Variants in RPH3AL observed in about 807,000 individuals in gnomAD.
The protein encoded by RPH3AL is rabphilin 3A like (without C2 domains).
A neutral mutation model predicts 43.1 loss-of-function variants in RPH3AL; 38 were observed. The ratio of observed to expected loss-of-function variants is 0.88; its 90% CI spans 0.68 to 1.15. The LOEUF is 1.15. Ranked by LOEUF, RPH3AL falls within the 50% of genes most tolerant of loss-of-function variation. The probability of loss-of-function intolerance (pLI) is 0.00; values close to 1 mark genes in which losing one functional copy is unlikely to be tolerated. For missense variants in RPH3AL, 462 were observed against 423.2 expected (o/e 1.09, Z -0.81); for synonymous variants, 189 against 176.3 (o/e 1.07, Z -0.57).
chr17:333,302 A>G lies in RPH3AL; in HGVS notation c.-37+457T>C. 3 of 1,286,486 alleles carry G rather than the reference A, an allele frequency of 2.3e-6. No individual in the cohort carries two copies. The highest frequency in any genetic ancestry group is 3.0e-6 in the Non-Finnish European group (3 of 987,674). The allele number at this position is 1,286,486 out of a possible 1,614,324, so 79.7% of individuals were successfully genotyped here. A position where few individuals can be genotyped will look rare whatever the true frequency, so the allele number is the denominator to read the frequency against. On this transcript the variant is annotated intron_variant, in intron 2 of 9. Transcript: ENST00000331302. The surrounding 1 kb of genome is among the most constrained non-coding windows in gnomAD (Gnocchi z 4.5). ...TCACGTGGTCACTCCTGGGGGCGGTAGGATATTTTATCCTAAAGAGAAAAC... is the reference window on the plus strand; with the variant it reads ...TCACGTGGTCACTCCTGGGGGCGGTGGGATATTTTATCCTAAAGAGAAAAC...
intron 5 of RPH3AL, among the ~76,000 whole-genome samples, chr17:295,354 ACGG>A (rs2043150961): frequency 6.9e-6 from 1 of 144,912 alleles, no homozygotes; most frequent in African/African-American, 2.6e-5. Flanking sequence ...GCAGAAATGG[ACGG>A]GCAGAGGGAA....
intron 5 of RPH3AL, among the ~76,000 whole-genome samples, chr17:304,386 T>C (rs566187954): frequency 5.9e-5 from 9 of 152,094 alleles, no homozygotes; most frequent in African/African-American, 2.2e-4. Flanking sequence ...GAATCCAGCG[T>C]TCTAAACCTC....
chr17:235,221 GC>G (rs1213249313), intron 7 of RPH3AL, among the ~76,000 whole-genome samples: 3 of 150,826 alleles, frequency 2.0e-5, no homozygotes, highest in East Asian at 2.0e-4. Context: ...GCTGGGGTCG[GC>G]GGAGGCTCCG....
intron 1 of RPH3AL, among the ~76,000 whole-genome samples, chr17:350,684 G>A (rs767135542): frequency 4.3e-4 from 65 of 152,156 alleles, no homozygotes; most frequent in African/African-American, 1.2e-4. Context: ...AAACAAACCC[G>A]TTTTTTAAAC....
At chr17:304,962 CGAGAGGGGGACAG>C (rs2043434322) in intron 5 of RPH3AL, among the ~76,000 whole-genome samples, 3 of 45,272 alleles carry the variant, frequency 6.6e-5, no homozygotes, top group Non-Finnish European at 1.3e-4. Context: ...GGGGACAGGG[CGAGAGGGGGACAG>C]GGCGGGAGGG....
At chr17:339,790 A>G (rs1272284820) in intron 1 of RPH3AL, 1 of 152,262 alleles carries the variant, frequency 6.6e-6, no homozygotes, top group African/African-American at 2.4e-5. Context: ...AGCACCTGCC[A>G]CACACCCAGC....
intron 6 of RPH3AL, among the ~76,000 whole-genome samples, chr17:266,603 T>C (rs1343573727): frequency 6.6e-6 from 1 of 152,218 alleles, no homozygotes; most frequent in African/African-American, 2.4e-5. Flanking sequence ...AGAGCACAGC[T>C]TTCTCCAGAG....
At position 321,261 on chromosome 17, in the gene RPH3AL, C is replaced by G; in HGVS notation, c.221+11G>C. ...TGTCCTCCCACTGAGCTGGCCCCGG[C>G]CCCGCCTCACCCGATTCTCTGCTGC... On this transcript the variant is annotated intron_variant, in intron 4 of 9. Coordinates refer to ENST00000331302, the MANE Select transcript of RPH3AL (RefSeq NM_006987.4). 6.2e-7 allele frequency: 1 copy of G among 1,603,136 alleles called. No homozygotes were observed. Among genetic ancestry groups the G allele is most frequent in the Non-Finnish European group, 8.5e-7 (1 of 1,178,458 alleles).
intron 3 of RPH3AL, among the ~76,000 whole-genome samples, chr17:324,429 C>T (rs538890291): frequency 1.3e-5 from 2 of 152,282 alleles, no homozygotes; most frequent in African/African-American, 2.4e-5. Context: ...TGACGGAGGC[C>T]GACTTGAGGG....
Position 286,007 on chromosome 17 carries a change from C to T in RPH3AL, c.352-4153G>A, listed in dbSNP as rs534709498. Among the ~76,000 whole-genome samples, 12 of 152,328 alleles carry T rather than the reference C, an allele frequency of 7.9e-5. 1 individual carries two copies. Among genetic ancestry groups the T allele is most frequent in the South Asian group, 4.1e-4 (2 of 4,820 alleles). On this transcript the variant is annotated intron_variant, in intron 5 of 9. Transcript: ENST00000331302. Reference sequence around the variant, plus strand: ...GGGGCCCAGGCCCCACTGTGCACCCCGGGATGCCCTCAACACTTGCTCCGA... The same window carrying T: ...GGGGCCCAGGCCCCACTGTGCACCCTGGGATGCCCTCAACACTTGCTCCGA...
intron 2 of RPH3AL, among the ~76,000 whole-genome samples, chr17:330,341 G>A (rs1567528902): frequency 6.6e-6 from 1 of 152,216 alleles, no homozygotes; most frequent in African/African-American, 2.4e-5. Flanking sequence ...CCATGGCCGG[G>A]CCCAGATCAC....
chr17:285,857 C>T (rs1205120744), intron 5 of RPH3AL, among the ~76,000 whole-genome samples: 1 of 152,200 alleles, frequency 6.6e-6, no homozygotes, highest in Non-Finnish European at 1.5e-5. Flanking sequence ...CAGCGCGGCT[C>T]TATCTCCACC....
At chr17:332,940 GGGAAC>G in intron 2 of RPH3AL, 1 of 1,114,188 alleles carries the variant, frequency 9.0e-7, no homozygotes, top group Non-Finnish European at 1.2e-6. Flanking sequence ...GAGGGGTACA[GGGAAC>G]GGAACAGGAG....
intron 3 of RPH3AL, among the ~76,000 whole-genome samples, chr17:325,815 C>G (rs529830766): frequency 6.6e-6 from 1 of 152,120 alleles, no homozygotes; most frequent in Non-Finnish European, 1.5e-5. Context: ...AGGGGAGCCC[C>G]GAGCTGCAGC....
chr17:334,053 G>C (rs948838075), intron 1 of RPH3AL, 119 bp from the exon 2 acceptor site: 4 of 152,496 alleles, frequency 2.6e-5, no homozygotes, highest in African/African-American at 9.6e-5. Flanking sequence ...TCAGAAGCTG[G>C]TAAAGCCAGC....
At chr17:239,879 T>C (rs1335910067) in intron 7 of RPH3AL, among the ~76,000 whole-genome samples, 1 of 152,204 alleles carries the variant, frequency 6.6e-6, no homozygotes, top group African/African-American at 2.4e-5. Flanking sequence ...TCCTCCTGAC[T>C]TGGCCTCCCA....
At chr17:306,024 AT>A (rs71143496) in intron 5 of RPH3AL, among the ~76,000 whole-genome samples, 15,011 of 139,470 alleles carry the variant, frequency 0.11, 840 homozygotes, top group Middle Eastern at 0.15. Flanking sequence ...ATGCCCAGCT[AT>A]TTTTTTTTTT....
chr17:324,508 C>G (rs1477379593), intron 3 of RPH3AL, among the ~76,000 whole-genome samples: 1 of 152,188 alleles, frequency 6.6e-6, no homozygotes, highest in Non-Finnish European at 1.5e-5. Context: ...CTGTCCTTCC[C>G]CTGCACGTTC....
chr17:337,740 G>A (rs1055590334), intron 1 of RPH3AL, among the ~76,000 whole-genome samples: 1 of 152,236 alleles, frequency 6.6e-6, no homozygotes, highest in Non-Finnish European at 1.5e-5. Context: ...CCCGTGCCCA[G>A]CCGCTCAGTC....
Sources: allele counts gnomAD v4.1 joint callset (sites outside exome capture counted in the v4.1 genomes callset), GRCh38; gene constraint gnomAD v4.1.1; non-coding constraint Gnocchi (gnomAD v3.1); transcripts MANE v1.5; gene names NCBI Gene and HGNC (gene_info 2026-07-23, HGNC 2026-07-21).